LHFPL2: variants seen among roughly 807,000 people sequenced by gnomAD.
LHFPL2 encodes the protein LHFPL tetraspan subfamily member 2 protein.
A neutral mutation model predicts 17.5 loss-of-function variants in LHFPL2; 7 were observed. That is an observed-to-expected ratio of 0.40 (90% confidence interval 0.23 to 0.75). The LOEUF is 0.75. LHFPL2 is among the 30% of genes least tolerant of loss of function. The pLI is 0.37. For missense variants in LHFPL2, 241 were observed against 294.8 expected, an observed-to-expected ratio of 0.82 and a Z score of 1.34; for synonymous variants, 134 against 116.2, an observed-to-expected ratio of 1.15 and a Z score of -0.99.
chr5:78,580,315 A>G (rs1309874180), intron 2 of LHFPL2, among the ~76,000 whole-genome samples: 2 of 152,138 alleles, frequency 1.3e-5, no homozygotes, highest in Admixed American at 6.5e-5. Context: ...CACTGATGGT[A>G]ATTTCTTTTG....
intron 1 of LHFPL2, among the ~76,000 whole-genome samples, chr5:78,635,675 C>T (rs1327833970): frequency 2.0e-5 from 3 of 152,066 alleles, no homozygotes; most frequent in Non-Finnish European, 4.4e-5. Context: ...TGGTGGTGGG[C>T]GCCTGTAGTC....
At chr5:78,622,993 A>G (rs1367457362) in intron 2 of LHFPL2, among the ~76,000 whole-genome samples, 1 of 152,220 alleles carries the variant, frequency 6.6e-6, no homozygotes, top group Non-Finnish European at 1.5e-5. Flanking sequence ...AGCATGTGTA[A>G]TAGGGGAGGA....
chr5:78,524,330 A>G (rs1755550274), intron 3 of LHFPL2, among the ~76,000 whole-genome samples: 2 of 152,246 alleles, frequency 1.3e-5, no homozygotes, highest in South Asian at 2.1e-4. Flanking sequence ...ACTGACATCT[A>G]GCAGAGAATT....
At chr5:78,507,837 G>C (rs924329480) in intron 4 of LHFPL2, among the ~76,000 whole-genome samples, 4 of 152,030 alleles carry the variant, frequency 2.6e-5, no homozygotes, top group Non-Finnish European at 1.5e-5. Context: ...CTCTTCAACA[G>C]GATTAATAAT....
At chr5:78,615,860 C>A (rs1283669263) in intron 2 of LHFPL2, among the ~76,000 whole-genome samples, 1 of 152,038 alleles carries the variant, frequency 6.6e-6, no homozygotes, top group Non-Finnish European at 1.5e-5. Context: ...TCTTTTCGAC[C>A]ATCTGATAAG....
chr5:78,492,862 G>A (rs990782368), intron 4 of LHFPL2, among the ~76,000 whole-genome samples: 2 of 152,162 alleles, frequency 1.3e-5, no homozygotes, highest in African/African-American at 4.8e-5. Flanking sequence ...AGCCAGCCCC[G>A]ACAAGCACAA....
chr5:78,557,315 T>C (rs1181067816), intron 3 of LHFPL2, among the ~76,000 whole-genome samples: 1 of 152,226 alleles, frequency 6.6e-6, no homozygotes, highest in African/African-American at 2.4e-5. Flanking sequence ...TCCAGATGAA[T>C]AGACTTAATA....
At chr5:78,584,855 G>A (rs1743305713) in intron 2 of LHFPL2, among the ~76,000 whole-genome samples, 1 of 152,098 alleles carries the variant, frequency 6.6e-6, no homozygotes, top group African/African-American at 2.4e-5. Flanking sequence ...AAGCAAGCCT[G>A]GGCAATGGCG....
chr5:78,495,150 G>T (rs17802875), intron 4 of LHFPL2, among the ~76,000 whole-genome samples: 4 of 152,004 alleles, frequency 2.6e-5, no homozygotes, highest in East Asian at 1.9e-4. Context: ...GTATTTCACT[G>T]GGTCTGAAGG....
rs983040032 is a variant in LHFPL2 at position 78,486,473 on chromosome 5, C to G, written c.*2424G>C. ...CTCATACCCAGTGGTTTTTAAACAG[C>G]TGTGTGGAAGAGCATGGTTTAGACT... On this transcript the variant is annotated 3_prime_UTR_variant, in exon 5 of 5. Transcript: ENST00000380345. 2.0e-5 allele frequency: 3 copies of G among 152,196 alleles called. No homozygotes were observed. The highest frequency in any genetic ancestry group is 6.5e-5 in the Admixed American group (1 of 15,276). The allele number at this position is 152,196 out of a possible 1,614,324, so 9.4% of individuals were successfully genotyped here.
intron 3 of LHFPL2, among the ~76,000 whole-genome samples, chr5:78,514,641 C>T (rs532265311): frequency 3.3e-5 from 5 of 152,210 alleles, no homozygotes; most frequent in African/African-American, 7.2e-5. Context: ...CTGGATCACC[C>T]GGACAGAAAC....
rs549917675 is a variant in LHFPL2, at chr5:78,486,050, G to A, written c.*2847C>T. The A allele has an allele frequency of 3.9e-5, 6 of 152,630 alleles. No homozygotes were observed. In the East Asian group the frequency reaches 1.2e-3, roughly 29 times the overall value. 9.5% of individuals were successfully genotyped at this position (152,630 alleles called of 1,614,324 possible). A position where few individuals can be genotyped will look rare whatever the true frequency, so the allele number is the denominator to read the frequency against. On this transcript the variant is annotated 3_prime_UTR_variant, in exon 5 of 5. Transcript: ENST00000380345. ...AAAACATACATACACCTTTGTTATTGCACATCTTTCACACAAACTTGTGTA... is the reference window on the plus strand; with the variant it reads ...AAAACATACATACACCTTTGTTATTACACATCTTTCACACAAACTTGTGTA...
chr5:78,606,312 C>A (rs969221170), intron 2 of LHFPL2, among the ~76,000 whole-genome samples: 2 of 152,226 alleles, frequency 1.3e-5, no homozygotes, highest in Non-Finnish European at 2.9e-5. Flanking sequence ...AAGCAGCCTT[C>A]ACTTTTTTAT....
At chr5:78,581,726 A>C (rs1262338087) in intron 2 of LHFPL2, among the ~76,000 whole-genome samples, 1 of 152,196 alleles carries the variant, frequency 6.6e-6, no homozygotes, top group African/African-American at 2.4e-5. Context: ...ATCAATGTTC[A>C]TCAAGGATAT....
intron 3 of LHFPL2, among the ~76,000 whole-genome samples, chr5:78,552,547 A>T (rs892719481): frequency 1.3e-5 from 2 of 152,232 alleles, no homozygotes; most frequent in African/African-American, 4.8e-5. Flanking sequence ...CCTGATGCCA[A>T]CTTATTCCTT....
intron 2 of LHFPL2, among the ~76,000 whole-genome samples, chr5:78,585,957 A>G (rs921701781): frequency 6.6e-6 from 1 of 152,220 alleles, no homozygotes; most frequent in African/African-American, 2.4e-5. Context: ...AGGTCATGGA[A>G]CATCAGAGCT....
rs887276002 is a variant in LHFPL2 at position 78,485,546 on chromosome 5, T to C, written c.*3351A>G. ...AACTCTTTTGGCCCTTGGGAGTCAT[T>C]GCAACCCCAATACAAATGCCGGCCC... On this transcript the variant is annotated 3_prime_UTR_variant, in exon 5 of 5. Coordinates refer to ENST00000380345, the MANE Select transcript of LHFPL2 (RefSeq NM_005779.3). 5 of 152,600 alleles carry C rather than the reference T, an allele frequency of 3.3e-5. No individual in the cohort carries two copies. The highest frequency in any genetic ancestry group is 1.2e-4 in the African/African-American group (5 of 41,412). 9.5% of individuals were successfully genotyped at this position (152,600 alleles called of 1,614,324 possible). A position where few individuals can be genotyped will look rare whatever the true frequency, so the allele number is the denominator to read the frequency against.
intron 1 of LHFPL2, among the ~76,000 whole-genome samples, chr5:78,639,491 T>C (rs907570527): frequency 3.3e-5 from 5 of 152,238 alleles, no homozygotes; most frequent in South Asian, 4.1e-4. Context: ...GCAGAGTCAG[T>C]AATTAAGTCG....
intron 2 of LHFPL2, among the ~76,000 whole-genome samples, chr5:78,614,099 C>T (rs1164776648): frequency 2.0e-5 from 3 of 152,102 alleles, no homozygotes; most frequent in South Asian, 4.1e-4. Context: ...AATTTGGCGC[C>T]GATGCTATGA....
Sources: gnomAD v4.1 joint callset for allele counts (sites outside exome capture counted in the v4.1 genomes callset) on GRCh38, gnomAD v4.1.1 for gene constraint, MANE v1.5 for transcripts, NCBI Gene and HGNC (gene_info 2026-07-23, HGNC 2026-07-21) for gene names.